Variants in SHANK2 observed in about 807,000 individuals in gnomAD.
The protein encoded by SHANK2 is SH3 and multiple ankyrin repeat domains 2.
Under a neutral mutation model 133.7 loss-of-function variants are expected in SHANK2, and 43 were observed. That is an observed-to-expected ratio of 0.32 (90% CI 0.25 to 0.41). The LOEUF (loss-of-function observed/expected upper bound fraction) is 0.41, where lower values mean the gene tolerates loss of function less well. SHANK2 is among the 10% of genes least tolerant of loss of function. The pLI is 1.00. For synonymous variants in SHANK2, 1,017 were observed against 952.8 expected (o/e 1.07, Z -1.24); for missense variants, 1,994 against 2,235.8 (o/e 0.89, Z 2.18).
At chr11:71,185,016 G>C (rs1953642049) in intron 2 of SHANK2, among the ~76,000 whole-genome samples, 1 of 152,180 alleles carries the variant, frequency 6.6e-6, no homozygotes, top group African/African-American at 2.4e-5. Flanking sequence ...TGTCCCGTCT[G>C]TACCCCGTGA....
At chr11:71,253,232 A>G (rs2133483914), upstream of SHANK2, among the ~76,000 whole-genome samples, 1 of 152,316 alleles carries the variant, frequency 6.6e-6, no homozygotes. Context: ...GAATCCTGTT[A>G]TTATCCAGGA....
chr11:71,132,485 C>T (rs576160969), intron 3 of SHANK2, among the ~76,000 whole-genome samples: 10 of 152,120 alleles, frequency 6.6e-5, no homozygotes, highest in Non-Finnish European at 1.5e-4. Flanking sequence ...TCACTTTTCC[C>T]GTACATTGTT....
intron 2 of SHANK2, among the ~76,000 whole-genome samples, chr11:71,179,873 G>A (rs782143603): frequency 3.9e-5 from 6 of 152,168 alleles, no homozygotes; most frequent in African/African-American, 9.7e-5. Flanking sequence ...AAATCTTGGC[G>A]AAAGATGTGA....
At chr11:70,626,668 T>C (rs1555000065) in intron 17 of SHANK2, among the ~76,000 whole-genome samples, 2 of 152,326 alleles carry the variant, frequency 1.3e-5, no homozygotes, top group South Asian at 2.1e-4. Flanking sequence ...GAGAGACCGA[T>C]GGCTCCAGCC....
At chr11:70,752,056 A>C (rs1199356913) in intron 14 of SHANK2, among the ~76,000 whole-genome samples, 1 of 152,216 alleles carries the variant, frequency 6.6e-6, no homozygotes, top group Non-Finnish European at 1.5e-5. Flanking sequence ...TGCTCTAAAC[A>C]CATCAAATAA....
chr11:71,149,895 G>T (rs1219378782), intron 2 of SHANK2, among the ~76,000 whole-genome samples: 1 of 60,454 alleles, frequency 1.7e-5, no homozygotes, highest in Non-Finnish European at 3.0e-5. Flanking sequence ...AAGAAGGAAG[G>T]AAAAAAGGGA....
At chr11:71,236,554 G>T (rs543534252) in intron 1 of SHANK2, among the ~76,000 whole-genome samples, 1 of 152,334 alleles carries the variant, frequency 6.6e-6, no homozygotes, top group East Asian at 1.9e-4. Context: ...GGAGGTTGCA[G>T]TGAGCCGAGA....
chr11:70,860,986 G>C (rs1015533155), intron 11 of SHANK2, among the ~76,000 whole-genome samples: 1 of 152,210 alleles, frequency 6.6e-6, no homozygotes, highest in African/African-American at 2.4e-5. Context: ...CCAGGAGCCA[G>C]GGAAAGGACA....
rs1424624480 is a variant in SHANK2 at position 71,073,153 on chromosome 11, TTTCTTTTTTTTC to T, written c.1029+1994_1029+2005del. ...TTTTTTTTCTTTTTCTTTTCTTTTT[TTTCTTTTTTTTC>T]TTTTTTTTTTTGAGATAGAGTCTTG... On this transcript the variant is annotated intron_variant, in intron 9 of 25. Coordinates refer to ENST00000601538, the MANE Select transcript of SHANK2 (RefSeq NM_012309.5). 4.9e-4 allele frequency among the ~76,000 whole-genome samples: 16 copies of T among 32,832 alleles called. 5 individuals are homozygous for T. Among genetic ancestry groups the T allele is most frequent in the East Asian group, 3.0e-3 (4 of 1,350 alleles). 21.5% of individuals were successfully genotyped at this position (32,832 alleles called of 152,430 possible). A position where few individuals can be genotyped will look rare whatever the true frequency, so the allele number is the denominator to read the frequency against.
intron 8 of SHANK2, among the ~76,000 whole-genome samples, chr11:71,080,637 T>C (rs1376453474): frequency 6.6e-6 from 1 of 152,116 alleles, no homozygotes; most frequent in Non-Finnish European, 1.5e-5. Context: ...TCCCAAAACA[T>C]ATGCCTTGTG....
At chr11:70,837,687 C>T (rs868987934) in intron 11 of SHANK2, among the ~76,000 whole-genome samples, 32 of 152,212 alleles carry the variant, frequency 2.1e-4, no homozygotes, top group Admixed American at 1.6e-3. Context: ...CAAAGATGTG[C>T]GTTGAGGCCA....
chr11:70,615,491 G>A (rs544839032), intron 17 of SHANK2, among the ~76,000 whole-genome samples: 21 of 152,274 alleles, frequency 1.4e-4, no homozygotes, highest in African/African-American at 2.6e-4. Context: ...ATATGGCCCC[G>A]GGGTATAAAA....
At chr11:70,623,101 G>A (rs1207784633) in intron 17 of SHANK2, among the ~76,000 whole-genome samples, 9 of 152,072 alleles carry the variant, frequency 5.9e-5, no homozygotes, top group African/African-American at 1.9e-4. Flanking sequence ...GCGTGAACCC[G>A]GGAGGCGGAG....
intron 10 of SHANK2, among the ~76,000 whole-genome samples, chr11:70,932,208 G>A (rs574056663): frequency 1.3e-3 from 191 of 152,354 alleles, no homozygotes; most frequent in African/African-American, 4.4e-3. Flanking sequence ...GGGGAAATCT[G>A]AACAGCCGAA....
intron 11 of SHANK2, among the ~76,000 whole-genome samples, chr11:70,846,966 G>A (rs1949006225): frequency 1.3e-5 from 2 of 152,298 alleles, no homozygotes; most frequent in South Asian, 4.2e-4. Context: ...CTGCTGCCAC[G>A]GGGACTGGCT....
intron 2 of SHANK2, among the ~76,000 whole-genome samples, chr11:71,210,238 A>G (rs1180297406): frequency 1.9e-5 from 2 of 102,624 alleles, no homozygotes; most frequent in East Asian, 3.2e-4. Flanking sequence ...ATATATATAT[A>G]TATATATATA....
At chr11:70,751,998 A>G (rs914863788) in intron 14 of SHANK2, among the ~76,000 whole-genome samples, 5 of 152,246 alleles carry the variant, frequency 3.3e-5, no homozygotes, top group Non-Finnish European at 7.3e-5. Flanking sequence ...TAAGAAATAA[A>G]ATGGTAGATA....
At chr11:70,891,148 T>C (rs1172378424) in intron 11 of SHANK2, among the ~76,000 whole-genome samples, 1 of 152,074 alleles carries the variant, frequency 6.6e-6, no homozygotes, top group Non-Finnish European at 1.5e-5. Context: ...TGCGGGCTCC[T>C]CTCTAGACGG....
At chr11:71,250,128 G>C (rs1257443353) in intron 1 of SHANK2, among the ~76,000 whole-genome samples, 1 of 58,222 alleles carries the variant, frequency 1.7e-5, no homozygotes, top group Non-Finnish European at 3.3e-5. Context: ...CCCCGGGGGT[G>C]GGGGGGAATC....
Sources: gnomAD v4.1 joint callset for allele counts (sites outside exome capture counted in the v4.1 genomes callset) on GRCh38, gnomAD v4.1.1 for gene constraint, MANE v1.5 for transcripts, NCBI Gene and HGNC (gene_info 2026-07-23, HGNC 2026-07-21) for gene names.